Variants in NEK11 observed in about 807,000 individuals in gnomAD.
NEK11 encodes the protein serine/threonine-protein kinase Nek11.
NEK11 carries 72 observed loss-of-function variants against 80.7 expected under a neutral mutation model. That is an observed-to-expected ratio of 0.89 (90% CI 0.74 to 1.08). The LOEUF is 1.08. NEK11 is among the 50% of genes least tolerant of loss of function. The probability of loss-of-function intolerance (pLI) is 0.00; values close to 1 mark genes in which losing one functional copy is unlikely to be tolerated. For missense variants in NEK11, 764 were observed against 763.6 expected, an observed-to-expected ratio of 1.00 and a Z score of -0.01; for synonymous variants, 251 against 260.7, an observed-to-expected ratio of 0.96 and a Z score of 0.36.
chr3:131,130,264 T>C (rs1206015184), intron 5 of NEK11, among the ~76,000 whole-genome samples: 1 of 152,176 alleles, frequency 6.6e-6, no homozygotes, highest in Non-Finnish European at 1.5e-5. Context: ...AAGCAATTGA[T>C]TTTTGTGTAT....
chr3:131,137,088 A>G (rs1220510768), intron 7 of NEK11, among the ~76,000 whole-genome samples: 1 of 152,180 alleles, frequency 6.6e-6, no homozygotes, highest in Non-Finnish European at 1.5e-5. Flanking sequence ...AATAGTGGCA[A>G]CATCTAGAGT....
intron 14 of NEK11, among the ~76,000 whole-genome samples, chr3:131,203,331 A>G (rs2094314105): frequency 6.6e-6 from 1 of 151,696 alleles, no homozygotes; most frequent in South Asian, 2.1e-4. Context: ...TCGCAAGGAC[A>G]AAAAACCAAA....
At chr3:131,037,582 G>A (rs6439271) in intron 3 of NEK11, among the ~76,000 whole-genome samples, 1 of 152,170 alleles carries the variant, frequency 6.6e-6, no homozygotes, top group African/African-American at 2.4e-5. Context: ...ATGCCCAGCA[G>A]GAATAATAAT....
intron 10 of NEK11, among the ~76,000 whole-genome samples, chr3:131,156,802 TTATTACCTG>T (rs2090724119): frequency 6.6e-6 from 1 of 152,132 alleles, no homozygotes; most frequent in African/African-American, 2.4e-5. Flanking sequence ...AAGCATGGGG[TTATTACCTG>T]CTAAAATGTT....
chr3:131,096,155 G>A (rs746072205), intron 4 of NEK11, among the ~76,000 whole-genome samples: 2 of 151,772 alleles, frequency 1.3e-5, no homozygotes, highest in East Asian at 3.9e-4. Context: ...GTACCCAATA[G>A]GTAGTTTTTC....
intron 3 of NEK11, among the ~76,000 whole-genome samples, chr3:131,073,746 C>T (rs1333998243): frequency 1.3e-5 from 2 of 152,084 alleles, no homozygotes; most frequent in African/African-American, 4.8e-5. Flanking sequence ...TATTTTTATC[C>T]TGTGGAAGAC....
At chr3:131,203,810 TA>T (rs2094354482) in intron 14 of NEK11, among the ~76,000 whole-genome samples, 1 of 75,834 alleles carries the variant, frequency 1.3e-5, no homozygotes, top group Non-Finnish European at 2.5e-5. Flanking sequence ...TATATATATA[TA>T]TATATATATA....
At chr3:131,118,393 T>G in intron 5 of NEK11, among the ~76,000 whole-genome samples, 1 of 152,180 alleles carries the variant, frequency 6.6e-6, no homozygotes, top group East Asian at 1.9e-4. Context: ...TTATTGAGGA[T>G]TTTTGCATCG....
chr3:131,240,777 G>A (rs1472535082), intron 15 of NEK11, among the ~76,000 whole-genome samples: 2 of 151,892 alleles, frequency 1.3e-5, no homozygotes, highest in Non-Finnish European at 2.9e-5. Flanking sequence ...TTTTTTTCTT[G>A]TGAATTGAAT....
chr3:131,031,835 C>G (rs1488595060), intron 3 of NEK11, among the ~76,000 whole-genome samples: 2 of 152,142 alleles, frequency 1.3e-5, no homozygotes, highest in Non-Finnish European at 2.9e-5. Flanking sequence ...ACCAGAAGGT[C>G]TAGTCCACAA....
intron 17 of NEK11, among the ~76,000 whole-genome samples, chr3:131,275,423 A>G (rs997439297): frequency 6.6e-6 from 1 of 152,206 alleles, no homozygotes; most frequent in Non-Finnish European, 1.5e-5. Context: ...ATATTTTGCT[A>G]AATTAATTGG....
chr3:131,121,026 G>A (rs1284862845), intron 5 of NEK11, among the ~76,000 whole-genome samples: 1 of 152,204 alleles, frequency 6.6e-6, no homozygotes, highest in Admixed American at 6.5e-5. Flanking sequence ...TCCGTTGCTA[G>A]CGAGGAGCTG....
chr3:131,081,620 G>T (rs921160980), intron 4 of NEK11, among the ~76,000 whole-genome samples: 1 of 152,190 alleles, frequency 6.6e-6, no homozygotes, highest in African/African-American at 2.4e-5. Flanking sequence ...GTATCTCCCA[G>T]AATATTATGG....
rs1254962711 is a variant in NEK11 at position 131,080,423 on chromosome 3, A to G, written c.171A>G (p.Leu57=). ...SDKKAKRGEE[L]KVLKEISVGE... ...TTTTTAAAATTTTTTTTGATCTCAG[A>G]AAGGTACTTAAGGAAATATCTGTTG... The change falls in exon 4 of 18, where the codon TTA becomes TTG. Residue 57 remains leucine, a splice_region_variant and synonymous_variant. Coordinates refer to ENST00000383366, the MANE Select transcript of NEK11 (RefSeq NM_024800.5). 2 of 1,587,490 alleles carry G rather than the reference A, an allele frequency of 1.3e-6. No homozygotes were observed. Among genetic ancestry groups the G allele is most frequent in the Admixed American group, 1.9e-5 (1 of 51,426 alleles).
intron 5 of NEK11, among the ~76,000 whole-genome samples, chr3:131,127,233 G>T (rs1330759154): frequency 6.6e-6 from 1 of 151,530 alleles, no homozygotes; most frequent in African/African-American, 2.4e-5. Flanking sequence ...CCAAAGAGCT[G>T]GGATTATAGG....
chr3:131,041,689 T>C (rs2066508653), intron 3 of NEK11, among the ~76,000 whole-genome samples: 1 of 152,122 alleles, frequency 6.6e-6, no homozygotes, highest in Admixed American at 6.5e-5. Context: ...CCCGTTCTGA[T>C]GGATGAAGAG....
chr3:131,287,061 A>G (rs1203080441), intron 17 of NEK11, among the ~76,000 whole-genome samples: 1 of 152,136 alleles, frequency 6.6e-6, no homozygotes, highest in Non-Finnish European at 1.5e-5. Context: ...ACTCCATATG[A>G]AATAGCAGTT....
In NEK11 at chr3:131,157,409, G is replaced by A. The variant is rs562258920; in HGVS notation, c.962+2288G>A. 9.1e-4 allele frequency among the ~76,000 whole-genome samples: 138 copies of A among 152,192 alleles called. 2 individuals are homozygous for A. Among genetic ancestry groups the A allele is most frequent in the Non-Finnish European group, 1.6e-3 (107 of 68,016 alleles). On this transcript the variant is annotated intron_variant, in intron 10 of 17. Coordinates refer to ENST00000383366, the MANE Select transcript of NEK11 (RefSeq NM_024800.5). ...GATCATTGTCCATTACAGTCTGGGCGGTGGGAAAAAGTTTGTGTATTCTTG... is the reference window on the plus strand; with the variant it reads ...GATCATTGTCCATTACAGTCTGGGCAGTGGGAAAAAGTTTGTGTATTCTTG...
chr3:131,229,033 C>T (rs1252741210), intron 15 of NEK11, among the ~76,000 whole-genome samples: 1 of 152,096 alleles, frequency 6.6e-6, no homozygotes, highest in Non-Finnish European at 1.5e-5. Flanking sequence ...GAGAATGGCA[C>T]TTTTTATATA....
Sources: gnomAD v4.1 joint callset for allele counts (sites outside exome capture counted in the v4.1 genomes callset) on GRCh38, gnomAD v4.1.1 for gene constraint, MANE v1.5 for transcripts, NCBI Gene and HGNC (gene_info 2026-07-23, HGNC 2026-07-21) for gene names.